The following AGXT2 variants were observed in gnomAD, a reference collection of about 807,000 sequenced individuals.
AGXT2 encodes the protein alanine--glyoxylate aminotransferase 2, mitochondrial.
AGXT2 carries 61 observed loss-of-function variants against 62.5 expected under a neutral mutation model. The ratio of observed to expected loss-of-function variants is 0.98; its 90% confidence interval spans 0.79 to 1.21. The LOEUF (loss-of-function observed/expected upper bound fraction) is 1.21, where lower values mean the gene tolerates loss of function less well. AGXT2 is among the 50% of genes most tolerant of loss of function. The pLI is 0.00. For missense variants in AGXT2, 666 were observed against 641.5 expected, an observed-to-expected ratio of 1.04 and a Z score of -0.41; for synonymous variants, 243 against 218.7, an observed-to-expected ratio of 1.11 and a Z score of -0.98.
Position 35,005,708 on chromosome 5 carries a change from A to C in AGXT2, c.1339-1847T>G, listed in dbSNP as rs975705707. Among the ~76,000 whole-genome samples the C allele has an allele frequency of 9.9e-5, 15 of 151,868 alleles. 1 individual carries two copies. Among genetic ancestry groups the C allele is most frequent in the African/African-American group, 2.9e-4 (12 of 41,308 alleles). On this transcript the variant is annotated intron_variant, in intron 12 of 13. Transcript: ENST00000231420. The stretch of plus-strand genomic sequence containing the variant: ...AGGGTCTGAAACTCTGCTGAGGCTT[A>C]AGCCACAGCGCAGCCTGCCGAGGCC...
At chr5:35,035,098 T>C in intron 5 of AGXT2, 124 bp downstream of exon 5, 1 of 884,722 alleles carries the variant, frequency 1.1e-6, no homozygotes, top group Admixed American at 2.0e-5. Context: ...TCCTTAAAAC[T>C]TAACAACTAG....
chr5:35,012,238 A>C (rs2112195813), intron 11 of AGXT2, among the ~76,000 whole-genome samples: 1 of 151,476 alleles, frequency 6.6e-6, no homozygotes, highest in South Asian at 2.1e-4. Context: ...GAAATAAATA[A>C]ATATATATAC....
chr5:35,020,301 G>A (rs1424897506), intron 9 of AGXT2, among the ~76,000 whole-genome samples: 1 of 152,178 alleles, frequency 6.6e-6, no homozygotes, highest in Non-Finnish European at 1.5e-5. Flanking sequence ...TATCCTTGAT[G>A]AACATTGATG....
intron 6 of AGXT2, 158 bp downstream of exon 6, chr5:35,033,302 T>C (rs1455518505): frequency 3.0e-6 from 2 of 669,170 alleles, no homozygotes; most frequent in African/African-American, 3.6e-5. Context: ...TTTCTAATGG[T>C]GTCCTCAAGT....
Position 35,015,046 on chromosome 5 carries a change from C to A in AGXT2, c.964-927G>T, listed in dbSNP as rs537715442. 1.2e-4 allele frequency among the ~76,000 whole-genome samples: 19 copies of A among 152,298 alleles called. 1 individual carries two copies. The South Asian group carries it at 3.9e-3, about 32-fold the overall frequency. On this transcript the variant is annotated intron_variant, in intron 9 of 13. Coordinates refer to ENST00000231420, the MANE Select transcript of AGXT2 (RefSeq NM_031900.4). ...GTTGACCTTAGTTTTTTTGTGCATG[C>A]TGTTCGCTCTTTCTAGAAGACCCTC...
At chr5:35,039,267 A>G in intron 3 of AGXT2, 57 bp downstream of exon 3, 1 of 1,569,152 alleles carries the variant, frequency 6.4e-7, no homozygotes, top group South Asian at 1.1e-5. Context: ...TCACTAACAT[A>G]ATTGTTTTCC....
chr5:35,045,543 T>C (rs1454115985), intron 1 of AGXT2, among the ~76,000 whole-genome samples: 1 of 152,206 alleles, frequency 6.6e-6, no homozygotes, highest in Non-Finnish European at 1.5e-5. Flanking sequence ...TGGTGCATAA[T>C]AGATGCTCAA....
At chr5:35,012,820 T>C (rs774279208) in intron 11 of AGXT2, 134 bp downstream of exon 11, 1 of 899,606 alleles carries the variant, frequency 1.1e-6, no homozygotes, top group Non-Finnish European at 1.8e-6. Context: ...AATGGAAATC[T>C]AACTTTAATG....
At chr5:35,025,680 G>A in intron 9 of AGXT2, 83 bp downstream of exon 9, 1 of 1,417,244 alleles carries the variant, frequency 7.1e-7, no homozygotes, top group Admixed American at 1.8e-5. Context: ...TTTCTGCCTG[G>A]AACACAGAGG....
At chr5:35,018,644 A>C (rs1192298577) in intron 9 of AGXT2, among the ~76,000 whole-genome samples, 1 of 151,766 alleles carries the variant, frequency 6.6e-6, no homozygotes, top group Admixed American at 6.6e-5. Flanking sequence ...GACCATCGAG[A>C]CTAGGAAGAA....
intron 9 of AGXT2, among the ~76,000 whole-genome samples, chr5:35,021,330 A>G (rs1408262472): frequency 3.3e-5 from 5 of 151,956 alleles, no homozygotes; most frequent in Admixed American, 6.6e-5. Flanking sequence ...CTATACTACA[A>G]GGCTACAGTA....
intron 9 of AGXT2, among the ~76,000 whole-genome samples, chr5:35,020,993 A>G (rs1186230663): frequency 3.3e-5 from 5 of 152,230 alleles, no homozygotes; most frequent in Admixed American, 3.3e-4. Context: ...AGAGAATAAA[A>G]TACCTAGGAG....
At chr5:35,031,233 A>G (rs163900) in intron 7 of AGXT2, among the ~76,000 whole-genome samples, 142,831 of 152,304 alleles carry the variant, frequency 0.94, 67,438 homozygotes, top group Non-Finnish European at 1. Flanking sequence ...AGTCTCCTCC[A>G]TGTGAAACTG....
At chr5:34,998,935 A>C in intron 13 of AGXT2, 109 bp from the exon 14 acceptor site, 20 of 842,038 alleles carry the variant, frequency 2.4e-5, no homozygotes, top group East Asian at 1.3e-4. Flanking sequence ...GATGTTTCTC[A>C]TGTTTCTCTC....
intron 2 of AGXT2, 147 bp from the exon 3 acceptor site, chr5:35,039,655 T>C: frequency 1.4e-6 from 1 of 729,626 alleles, no homozygotes. Flanking sequence ...TTACCCAATA[T>C]CGTCCCTGCA....
chr5:35,033,594 G>C (rs1233698280), intron 5 of AGXT2, 41 bp from the exon 6 acceptor site: 1 of 1,509,844 alleles, frequency 6.6e-7, no homozygotes, highest in Non-Finnish European at 9.2e-7. Flanking sequence ...TCAAGTTCCT[G>C]GTCCACTGAG....
intron 7 of AGXT2, among the ~76,000 whole-genome samples, chr5:35,030,479 G>C (rs1767523986): frequency 6.6e-6 from 1 of 151,448 alleles, no homozygotes; most frequent in African/African-American, 2.4e-5. Context: ...TTGCACTCCA[G>C]TCTGGGGGAC....
At chr5:35,019,909 G>C (rs1455805057) in intron 9 of AGXT2, among the ~76,000 whole-genome samples, 2 of 152,198 alleles carry the variant, frequency 1.3e-5, no homozygotes, top group African/African-American at 2.4e-5. Context: ...TGATCCCACA[G>C]AAATACAAAC....
At chr5:35,003,231 A>G (rs893707571) in intron 13 of AGXT2, among the ~76,000 whole-genome samples, 1 of 152,128 alleles carries the variant, frequency 6.6e-6, no homozygotes, top group East Asian at 1.9e-4. Context: ...GAGTTTGGCA[A>G]TGGGGGCTAT....
Sources: allele counts gnomAD v4.1 joint callset (sites outside exome capture counted in the v4.1 genomes callset), GRCh38; gene constraint gnomAD v4.1.1; transcripts MANE v1.5; gene names NCBI Gene and HGNC (gene_info 2026-07-23, HGNC 2026-07-21).